AGAP3: variants seen among roughly 807,000 people sequenced by gnomAD.
AGAP3 encodes arf-GAP with GTPase, ANK repeat and PH domain-containing protein 3.
Under a neutral mutation model 96.9 loss-of-function variants are expected in AGAP3, and 24 were observed. That is an observed-to-expected ratio of 0.25 (90% confidence interval 0.18 to 0.35). The LOEUF is 0.35. AGAP3 is among the 10% of genes least tolerant of loss of function. The pLI, the probability that AGAP3 is intolerant of heterozygous loss-of-function variation, is 1.00. For synonymous variants in AGAP3, 563 were observed against 536.1 expected (o/e 1.05, Z -0.69); for missense variants, 876 against 1,254.2 (o/e 0.70, Z 4.55).
chr7:151,137,007 A>G (rs1033852430), intron 11 of AGAP3, among the ~76,000 whole-genome samples: 1 of 152,154 alleles, frequency 6.6e-6, no homozygotes, highest in African/African-American at 2.4e-5. Flanking sequence ...AGCACTTACT[A>G]TGTGTCTGGT....
chr7:151,114,898 T>C lies in AGAP3; in HGVS notation c.332-1895T>C. The stretch of plus-strand genomic sequence containing the variant: ...TCGGCCGGCCGCGCTGCCGCCGCCC[T>C]GCAGGCCGCCCTCTGCGCCGCCAGT... On this transcript the variant is annotated intron_variant, in intron 1 of 17. Transcript: ENST00000397238. The surrounding 1 kb of genome is among the most constrained non-coding windows in gnomAD (Gnocchi z 4.4). The C allele has an allele frequency of 1.0e-6, 1 of 998,252 alleles. No homozygotes were observed. Among genetic ancestry groups the C allele is most frequent in the Non-Finnish European group, 1.2e-6 (1 of 841,334 alleles). The allele number at this position is 998,252 out of a possible 1,614,324, so 61.8% of individuals were successfully genotyped here.
intron 12 of AGAP3, among the ~76,000 whole-genome samples, chr7:151,138,803 C>T (rs1023621836): frequency 2.6e-5 from 4 of 152,262 alleles, no homozygotes; most frequent in African/African-American, 9.6e-5. Context: ...GCATCTCGCC[C>T]GCTACTGTGG....
chr7:151,134,391 G>A lies in AGAP3; in HGVS notation c.1327-9G>A. The stretch of plus-strand genomic sequence containing the variant: ...CAGTCTTCATCTGTCTCTCCCACCC[G>A]GCCTGCAGGATTACATGCAGAACAT... On this transcript the variant is annotated splice_polypyrimidine_tract_variant and intron_variant, in intron 10 of 17. Coordinates refer to ENST00000397238, the MANE Select transcript of AGAP3 (RefSeq NM_031946.7). 6 of 1,613,508 alleles carry A rather than the reference G, an allele frequency of 3.7e-6. No homozygotes were observed. The highest frequency in any genetic ancestry group is 5.1e-6 in the Non-Finnish European group (6 of 1,179,862).
intron 1 of AGAP3, among the ~76,000 whole-genome samples, chr7:151,095,196 A>G (rs745849445): frequency 3.3e-5 from 5 of 152,182 alleles, no homozygotes; most frequent in Non-Finnish European, 5.9e-5. Context: ...AGGTTTTTCT[A>G]CAACGTACAT....
At chr7:151,090,067 T>G (rs1442972628) in intron 1 of AGAP3, 2 of 152,248 alleles carry the variant, frequency 1.3e-5, no homozygotes, top group African/African-American at 4.8e-5. Context: ...ATGGGGACAC[T>G]GGGCACGTGG....
At position 151,096,199 on chromosome 7, in the gene AGAP3, C is replaced by T. The variant is rs1482730103; in HGVS notation, c.331+9127C>T. On this transcript the variant is annotated intron_variant, in intron 1 of 17. Transcript: ENST00000397238. This position sits in a 1 kb window ranked among gnomAD's most constrained non-coding sequence, Gnocchi z 4.4. ...TCAGAGGCTCAGCTGTCATCACCGC[C>T]TGCGTGGGGATGCGTGAGGTGAGGG... is the stretch of plus-strand genomic sequence containing the variant. Among the ~76,000 whole-genome samples the T allele has an allele frequency of 6.6e-6, 1 of 152,220 alleles. No individual in the cohort carries two copies. The highest frequency in any genetic ancestry group is 6.5e-5 in the Admixed American group (1 of 15,286).
At chr7:151,087,764 G>C (rs1024970903) in intron 1 of AGAP3, among the ~76,000 whole-genome samples, 1 of 152,276 alleles carries the variant, frequency 6.6e-6, no homozygotes, top group African/African-American at 2.4e-5. Context: ...CGGAGTCGGG[G>C]ACCGGAAACC....
chr7:151,140,826 C>A lies in AGAP3; in HGVS notation c.1804+710C>A, dbSNP rs1800785827. The A allele has an allele frequency of 6.6e-6, 1 of 152,184 alleles. No homozygotes were observed. The highest frequency in any genetic ancestry group is 2.1e-4 in the South Asian group (1 of 4,826). 9.4% of individuals were successfully genotyped at this position (152,184 alleles called of 1,614,324 possible). ...CCTTCTGGTCCGGCAGACTAAGCCC[C>A]ACAAATGATCATGGAGATCACGTAG... On this transcript the variant is annotated intron_variant, in intron 13 of 17. Coordinates refer to ENST00000397238, the MANE Select transcript of AGAP3 (RefSeq NM_031946.7). This position sits in a 1 kb window ranked among gnomAD's most constrained non-coding sequence, Gnocchi z 5.4.
Position 151,118,192 on chromosome 7 carries a change from C to G in AGAP3, c.707-18C>G, listed in dbSNP as rs773114790. 7.5e-6 allele frequency: 12 copies of G among 1,596,002 alleles called. No homozygotes were observed. In the African/African-American group the frequency reaches 1.2e-4, roughly 16 times the overall value. On this transcript the variant is annotated intron_variant, in intron 5 of 17. Transcript: ENST00000397238. This position sits in a 1 kb window ranked among gnomAD's most constrained non-coding sequence, Gnocchi z 6.1. ...TTCTCCGAAAGCTGAATGACTCCCG[C>G]CCTCCCACCTCCAACAGATGCCATC...
intron 1 of AGAP3, 122 bp downstream of exon 1, chr7:151,087,194 C>T (rs1218356475): frequency 1.8e-6 from 2 of 1,081,626 alleles, no homozygotes; most frequent in African/African-American, 1.6e-5. Flanking sequence ...GCTTGAGGAC[C>T]AGGCCACGAG....
chr7:151,138,030 G>T, intron 11 of AGAP3, 113 bp from the exon 12 acceptor site: 10 of 859,756 alleles, frequency 1.2e-5, no homozygotes, highest in Non-Finnish European at 1.8e-5. Flanking sequence ...GATGAACCCA[G>T]TGCCCTGCTG....
chr7:151,125,799 C>T (rs1242761988), intron 9 of AGAP3, among the ~76,000 whole-genome samples: 1 of 152,262 alleles, frequency 6.6e-6, no homozygotes, highest in Non-Finnish European at 1.5e-5. Context: ...TTTGCATTCC[C>T]AATCAATCCG....
intron 8 of AGAP3, chr7:151,123,183 C>G (rs1016284517): frequency 2.8e-6 from 3 of 1,073,038 alleles, no homozygotes; most frequent in Middle Eastern, 4.3e-4. Flanking sequence ...GTTCCTGCTC[C>G]TGCTCCGGAA....
Position 151,114,709 on chromosome 7 carries a change from CGGCCCG to C in AGAP3, c.332-2078_332-2073del, listed in dbSNP as rs1799455065. 3.4e-5 allele frequency: 34 copies of C among 998,546 alleles called. No individual in the cohort carries two copies. The highest frequency in any genetic ancestry group is 3.9e-5 in the Non-Finnish European group (33 of 839,298). The allele number at this position is 998,546 out of a possible 1,614,324, so 61.9% of individuals were successfully genotyped here. On this transcript the variant is annotated intron_variant, in intron 1 of 17. Transcript: ENST00000397238. This position sits in a 1 kb window ranked among gnomAD's most constrained non-coding sequence, Gnocchi z 4.4. ...GGTCCGTGCGCCCCGGCCGCGGCCC[CGGCCCG>C]GGCCCAGCCCCGTGCCCCTCGCCAT...
chr7:151,124,824 G>A (rs542452864), intron 9 of AGAP3, among the ~76,000 whole-genome samples: 4 of 152,322 alleles, frequency 2.6e-5, no homozygotes, highest in Admixed American at 1.3e-4. Context: ...TTAGAATGAA[G>A]AGTTCCAAGC....
At chr7:151,104,381 C>T (rs1436269877) in intron 1 of AGAP3, among the ~76,000 whole-genome samples, 1 of 152,132 alleles carries the variant, frequency 6.6e-6, no homozygotes, top group East Asian at 1.9e-4. Flanking sequence ...TCTTGCAGTG[C>T]ACATGTGCCG....
rs1026545386 is a variant in AGAP3 at position 151,096,406 on chromosome 7, G to T, written c.331+9334G>T. 7.2e-5 allele frequency among the ~76,000 whole-genome samples: 11 copies of T among 152,072 alleles called. No individual in the cohort carries two copies. Among genetic ancestry groups the T allele is most frequent in the Non-Finnish European group, 1.6e-4 (11 of 68,010 alleles). On this transcript the variant is annotated intron_variant, in intron 1 of 17. Transcript: ENST00000397238. The surrounding 1 kb of genome is among the most constrained non-coding windows in gnomAD (Gnocchi z 4.4). Reference sequence around the variant, plus strand: ...GGTCATCTTTGATGTTTTGCCTGTTGTTTTTTTCTCTGATTCAGCACTGTG... The same window carrying T: ...GGTCATCTTTGATGTTTTGCCTGTTTTTTTTTTCTCTGATTCAGCACTGTG...
At chr7:151,123,702 G>A in intron 8 of AGAP3, 92 bp from the exon 9 acceptor site, 2 of 1,586,446 alleles carry the variant, frequency 1.3e-6, no homozygotes, top group South Asian at 2.2e-5. Context: ...CTGCCCAGGA[G>A]GAGGGAGGCA....
At chr7:151,112,742 G>A (rs1316148624) in intron 1 of AGAP3, among the ~76,000 whole-genome samples, 1 of 152,094 alleles carries the variant, frequency 6.6e-6, no homozygotes, top group Non-Finnish European at 1.5e-5. Flanking sequence ...GGGACCACAG[G>A]CTCGTGCCAC....
Sources: gnomAD v4.1 joint callset for allele counts (sites outside exome capture counted in the v4.1 genomes callset) on GRCh38, gnomAD v4.1.1 for gene constraint, Gnocchi (gnomAD v3.1) non-coding constraint, MANE v1.5 for transcripts, NCBI Gene and HGNC (gene_info 2026-07-23, HGNC 2026-07-21) for gene names.